Variants in PARP8 observed in about 807,000 individuals in gnomAD.
PARP8 encodes protein mono-ADP-ribosyltransferase PARP8.
A neutral mutation model predicts 124.1 loss-of-function variants in PARP8; 51 were observed. That is an observed-to-expected ratio of 0.41 (90% CI 0.33 to 0.52). The LOEUF is 0.52. Ranked by LOEUF, PARP8 falls within the 20% of genes least tolerant of loss-of-function variation. The probability of loss-of-function intolerance (pLI) is 0.21; values close to 1 mark genes in which losing one functional copy is unlikely to be tolerated. For synonymous variants in PARP8, 391 were observed against 361.5 expected (o/e 1.08, Z -0.93); for missense variants, 860 against 1,018.9 (o/e 0.84, Z 2.12).
intron 2 of PARP8, among the ~76,000 whole-genome samples, chr5:50,721,085 T>G (rs969228092): frequency 1.3e-5 from 2 of 151,466 alleles, no homozygotes; most frequent in African/African-American, 4.8e-5. Context: ...AATAATTGTT[T>G]TTTTTTTTTT....
At chr5:50,788,286 A>T (rs1308360845) in intron 9 of PARP8, among the ~76,000 whole-genome samples, 1 of 147,082 alleles carries the variant, frequency 6.8e-6, no homozygotes, top group African/African-American at 2.5e-5. Context: ...GTATTATACA[A>T]TATAATGTAT....
chr5:50,817,334 A>G (rs1450401805), intron 15 of PARP8, among the ~76,000 whole-genome samples: 1 of 152,220 alleles, frequency 6.6e-6, no homozygotes, highest in African/African-American at 2.4e-5. Flanking sequence ...AAGTTTAGTA[A>G]TTCTACTCCA....
chr5:50,667,545 C>A, intron 1 of PARP8: 1 of 697,234 alleles, frequency 1.4e-6, no homozygotes, highest in Non-Finnish European at 2.6e-6. Flanking sequence ...GGTTGGTTTG[C>A]GCAATGGGCT....
intron 12 of PARP8, 24 bp from the exon 13 acceptor site, chr5:50,796,958 T>G (rs756469293): frequency 1.9e-6 from 3 of 1,589,516 alleles, no homozygotes; most frequent in African/African-American, 1.4e-5. Context: ...AAATTATCAT[T>G]TTTTTTTACT....
rs368365433 is a variant in PARP8 at position 50,763,136 on chromosome 5, C to T, written c.424-12C>T. The T allele has an allele frequency of 7.5e-6, 12 of 1,595,626 alleles. No homozygotes were observed. The highest frequency in any genetic ancestry group is 4.4e-5 in the South Asian group (4 of 90,538). ...ACTTCTGAGACACTTTTAAATTATC[C>T]CTTTTCATCAGGTGAACTATGATGG... On this transcript the variant is annotated splice_polypyrimidine_tract_variant and intron_variant, in intron 6 of 25. Coordinates refer to ENST00000281631, the MANE Select transcript of PARP8 (RefSeq NM_024615.4).
At chr5:50,806,479 A>G (rs888608923) in intron 14 of PARP8, among the ~76,000 whole-genome samples, 14 of 152,078 alleles carry the variant, frequency 9.2e-5, no homozygotes, top group Non-Finnish European at 1.6e-4. Flanking sequence ...ATCTGCAACA[A>G]TAAATATTGC....
At chr5:50,692,013 A>G (rs1482232331) in intron 2 of PARP8, among the ~76,000 whole-genome samples, 1 of 152,070 alleles carries the variant, frequency 6.6e-6, no homozygotes, top group Non-Finnish European at 1.5e-5. Flanking sequence ...AATTCCAACC[A>G]CCACCACCGT....
chr5:50,846,137 A>G lies in PARP8; in HGVS notation c.*4069A>G, dbSNP rs1348911249. ...AATATAATTTAATGTTCTAAAAATAATATCTTCGATCTGCCCAATATTTAA... is the reference window on the plus strand; with the variant it reads ...AATATAATTTAATGTTCTAAAAATAGTATCTTCGATCTGCCCAATATTTAA... On this transcript the variant is annotated 3_prime_UTR_variant, in exon 26 of 26. Transcript: ENST00000281631. 6.6e-6 allele frequency: 1 copy of G among 151,766 alleles called. No homozygotes were observed. The highest frequency in any genetic ancestry group is 2.4e-5 in the African/African-American group (1 of 41,390). The allele number at this position is 151,766 out of a possible 1,614,324, so 9.4% of individuals were successfully genotyped here.
chr5:50,789,923 A>G (rs1012014832), intron 10 of PARP8, among the ~76,000 whole-genome samples: 10 of 152,202 alleles, frequency 6.6e-5, no homozygotes, highest in African/African-American at 2.4e-4. Context: ...TATTGGAACT[A>G]TATTTGATAT....
At chr5:50,834,128 T>G (rs1209069508) in intron 24 of PARP8, 80 bp downstream of exon 24, 1 of 1,137,810 alleles carries the variant, frequency 8.8e-7, no homozygotes, top group African/African-American at 1.6e-5. Context: ...ATTTACAGAG[T>G]GCTTACGGTG....
At chr5:50,686,037 C>T (rs1189469481) in intron 2 of PARP8, among the ~76,000 whole-genome samples, 1 of 152,192 alleles carries the variant, frequency 6.6e-6, no homozygotes, top group Non-Finnish European at 1.5e-5. Context: ...TCATGCCTTC[C>T]CAACAGTCCC....
At chr5:50,819,615 A>G (rs541986504) in intron 15 of PARP8, among the ~76,000 whole-genome samples, 1 of 151,424 alleles carries the variant, frequency 6.6e-6, no homozygotes, top group African/African-American at 2.4e-5. Context: ...TAATTTTTGT[A>G]TTTTTAGTAG....
chr5:50,711,098 T>C (rs1754726648), intron 2 of PARP8, among the ~76,000 whole-genome samples: 1 of 152,174 alleles, frequency 6.6e-6, no homozygotes, highest in African/African-American at 2.4e-5. Flanking sequence ...AATAGCATCT[T>C]GATTCCTCCT....
At chr5:50,764,037 A>G (rs1173216904) in intron 7 of PARP8, among the ~76,000 whole-genome samples, 1 of 152,218 alleles carries the variant, frequency 6.6e-6, no homozygotes, top group African/African-American at 2.4e-5. Flanking sequence ...CGGCTCTTCA[A>G]ATCCCACTGC....
intron 7 of PARP8, among the ~76,000 whole-genome samples, chr5:50,776,438 T>A (rs1740027390): frequency 6.6e-6 from 1 of 152,218 alleles, no homozygotes; most frequent in Admixed American, 6.5e-5. Context: ...CTCTTCAGAT[T>A]TTTAGAATAG....
In PARP8 at chr5:50,792,082, T is replaced by A. The variant is rs560907038; in HGVS notation, c.738-2125T>A. ...GAACCTTTGTTCACATAGTTGGCCG[T>A]GATATCATCTGCTCTTGACGCGATG... On this transcript the variant is annotated intron_variant, in intron 10 of 25. Coordinates refer to ENST00000281631, the MANE Select transcript of PARP8 (RefSeq NM_024615.4). Among the ~76,000 whole-genome samples, 8 of 152,306 alleles carry A rather than the reference T, an allele frequency of 5.3e-5. No homozygotes were observed. In the South Asian group the frequency reaches 1.7e-3, roughly 32 times the overall value.
intron 2 of PARP8, among the ~76,000 whole-genome samples, chr5:50,684,449 CAG>C (rs1485637778): frequency 1.6e-5 from 2 of 127,374 alleles, no homozygotes; most frequent in Non-Finnish European, 3.5e-5. Flanking sequence ...AATATGAAAT[CAG>C]GGGCTGAAAA....
chr5:50,812,891 A>C (rs1211774262), intron 14 of PARP8, among the ~76,000 whole-genome samples: 3 of 152,134 alleles, frequency 2.0e-5, no homozygotes, highest in African/African-American at 4.8e-5. Context: ...TTTGTCAAAG[A>C]TCAGATGGTT....
At chr5:50,781,305 G>A (rs973170902) in intron 9 of PARP8, among the ~76,000 whole-genome samples, 5 of 151,820 alleles carry the variant, frequency 3.3e-5, no homozygotes, top group South Asian at 2.1e-4. Flanking sequence ...GTTTAGTGTC[G>A]TTTTGAATTT....
Sources: allele counts gnomAD v4.1 joint callset (sites outside exome capture counted in the v4.1 genomes callset), GRCh38; gene constraint gnomAD v4.1.1; transcripts MANE v1.5; gene names NCBI Gene and HGNC (gene_info 2026-07-23, HGNC 2026-07-21).